TRIM22: variants seen among roughly 807,000 people sequenced by gnomAD.
The protein encoded by TRIM22 is E3 ubiquitin-protein ligase TRIM22.
TRIM22 carries 45 observed loss-of-function variants against 53.6 expected under a neutral mutation model. The observed-to-expected ratio is 0.84, with a 90% CI of 0.66 to 1.08. The LOEUF (loss-of-function observed/expected upper bound fraction) is 1.08, where lower values mean the gene tolerates loss of function less well. Ranked by LOEUF, TRIM22 falls within the 50% of genes least tolerant of loss-of-function variation. TRIM22 has a pLI of 0.00. For synonymous variants in TRIM22, 225 were observed against 216.6 expected (o/e 1.04, Z -0.34); for missense variants, 616 against 590.9 (o/e 1.04, Z -0.44).
In TRIM22 at chr11:5,698,402, C is replaced by A; in HGVS notation, c.607C>A (p.Gln203Lys). 1.2e-6 allele frequency: 2 copies of A among 1,614,184 alleles called. No homozygotes were observed. The highest frequency in any genetic ancestry group is 1.7e-6 in the Non-Finnish European group (2 of 1,180,026). The change falls in exon 4 of 8, where the codon CAA (glutamine) becomes AAA (lysine). Residue 203 changes from glutamine to lysine, a missense_variant. Coordinates refer to ENST00000379965, the MANE Select transcript of TRIM22 (RefSeq NM_006074.5). ...GGACAATGAGGAGCAGAGAGAGCTGCAAAAGCTGGAGGAAGGTGAGGTGAA... is the reference window on the plus strand; with the variant it reads ...GGACAATGAGGAGCAGAGAGAGCTGAAAAAGCTGGAGGAAGGTGAGGTGAA... ...ILDNEEQREL[Q>K]KLEEGEVNVL...
intron 1 of TRIM22, among the ~76,000 whole-genome samples, chr11:5,691,415 G>A (rs889894112): frequency 6.6e-6 from 1 of 152,194 alleles, no homozygotes; most frequent in African/African-American, 2.4e-5. Context: ...TCTATACAAT[G>A]TCTGGAATCT....
rs767068324 is a variant in TRIM22 at position 5,698,404 on chromosome 11, A to G, written c.609A>G (p.Gln203=). The stretch of plus-strand genomic sequence containing the variant: ...ACAATGAGGAGCAGAGAGAGCTGCA[A>G]AAGCTGGAGGAAGGTGAGGTGAATG... ...ILDNEEQREL[Q]KLEEGEVNVL... The change falls in exon 4 of 8, where the codon CAA becomes CAG. Residue 203 remains glutamine (Q), a synonymous_variant. Coordinates refer to ENST00000379965, the MANE Select transcript of TRIM22 (RefSeq NM_006074.5). 3 of 1,614,236 alleles carry G rather than the reference A, an allele frequency of 1.9e-6. No homozygotes were observed. The highest frequency in any genetic ancestry group is 1.3e-5 in the African/African-American group (1 of 75,072).
chr11:5,696,746 T>A lies in TRIM22; in HGVS notation c.423+91T>A, dbSNP rs1853269828. On this transcript the variant is annotated intron_variant, in intron 2 of 7. Coordinates refer to ENST00000379965, the MANE Select transcript of TRIM22 (RefSeq NM_006074.5). ...CTTTTTTTGTCCTGCTTTATTCCCC[T>A]TGTCACCATAGAACGGAGAGCCCTG... The A allele has an allele frequency of 2.2e-6, 3 of 1,368,712 alleles. No homozygotes were observed. In the South Asian group the frequency reaches 4.3e-5, roughly 19 times the overall value. 84.8% of individuals were successfully genotyped at this position (1,368,712 alleles called of 1,614,324 possible). A position where few individuals can be genotyped will look rare whatever the true frequency, so the allele number is the denominator to read the frequency against.
At chr11:5,701,858 T>C (rs1208791467) in intron 4 of TRIM22, among the ~76,000 whole-genome samples, 1 of 152,092 alleles carries the variant, frequency 6.6e-6, no homozygotes, top group Non-Finnish European at 1.5e-5. Context: ...ACCATACAGT[T>C]TGTGCTGCTA....
intron 1 of TRIM22, among the ~76,000 whole-genome samples, chr11:5,692,179 G>A (rs1439209261): frequency 6.6e-6 from 1 of 152,126 alleles, no homozygotes; most frequent in Non-Finnish European, 1.5e-5. Context: ...GTTACTAGAG[G>A]ATAAATGTAA....
In TRIM22 at chr11:5,709,599, A is replaced by G. The variant is rs749000591; in HGVS notation, c.1448A>G (p.Asn483Ser). The change falls in exon 8 of 8, where the codon AAT (asparagine) becomes AGT (serine). Residue 483 changes from asparagine to serine, a missense_variant. Physicochemically the swap from Asn to Ser is conservative, Grantham distance 46. Transcript: ENST00000379965. Reference sequence around the variant, plus strand: ...TCTCGACCTGCTTATCCGTATTTCAATCCTTGGAACTGCCTAGTCCCCATG... The same window carrying G: ...TCTCGACCTGCTTATCCGTATTTCAGTCCTTGGAACTGCCTAGTCCCCATG... ...RFSRPAYPYFNPWNCLVPMTV... is the reference protein window; with the variant it reads ...RFSRPAYPYFSPWNCLVPMTV... 6.8e-6 allele frequency: 11 copies of G among 1,611,806 alleles called. No homozygotes were observed. Among genetic ancestry groups the G allele is most frequent in the Middle Eastern group, 1.6e-4 (1 of 6,084 alleles).
chr11:5,707,328 C>T (rs530133097), intron 5 of TRIM22, among the ~76,000 whole-genome samples: 6 of 152,084 alleles, frequency 3.9e-5, no homozygotes, highest in Admixed American at 3.9e-4. Flanking sequence ...TTTTGGAAAC[C>T]CTTTAGCTCT....
chr11:5,699,510 G>A (rs1307290525), intron 4 of TRIM22, among the ~76,000 whole-genome samples: 34 of 98,772 alleles, frequency 3.4e-4, no homozygotes, highest in South Asian at 6.8e-4. Flanking sequence ...CGGCCTGGGC[G>A]ACAGAGCGAG....
chr11:5,694,630 A>C (rs2134172447), intron 1 of TRIM22, among the ~76,000 whole-genome samples: 1 of 152,358 alleles, frequency 6.6e-6, no homozygotes, highest in East Asian at 1.9e-4. Context: ...AGAATGAGTG[A>C]TCTTTGTAAG....
intron 2 of TRIM22, 67 bp downstream of exon 2, chr11:5,696,722 T>G: frequency 5.3e-6 from 8 of 1,496,968 alleles, no homozygotes; most frequent in Non-Finnish European, 7.2e-6. Context: ...AAATCTCCAC[T>G]TTTTTTGTCC....
chr11:5,709,698 C>A lies in TRIM22; in HGVS notation c.*50C>A. On this transcript the variant is annotated 3_prime_UTR_variant, in exon 8 of 8. Coordinates refer to ENST00000379965, the MANE Select transcript of TRIM22 (RefSeq NM_006074.5). ...CTGCATAGTAGCCCTTGTGCTGAGA[C>A]TCAGATTCTGCACCTGAGTTCATCT... 2 of 1,493,490 alleles carry A rather than the reference C, an allele frequency of 1.3e-6. No homozygotes were observed. Among genetic ancestry groups the A allele is most frequent in the Admixed American group, 1.8e-5 (1 of 55,530 alleles). The allele number at this position is 1,493,490 out of a possible 1,614,324, so 92.5% of individuals were successfully genotyped here. A position where few individuals can be genotyped will look rare whatever the true frequency, so the allele number is the denominator to read the frequency against.
chr11:5,698,061 C>G, intron 3 of TRIM22: 2 of 424,730 alleles, frequency 4.7e-6, no homozygotes, highest in Non-Finnish European at 8.8e-6. Flanking sequence ...GTCTACAATC[C>G]AAGCCTCACC....
At chr11:5,697,026 A>G (rs74731261) in intron 2 of TRIM22, 11,888 of 523,086 alleles carry the variant, frequency 0.023, 213 homozygotes, top group Non-Finnish European at 0.032. Context: ...TAGGAAAAGA[A>G]TCAGGCTACT....
chr11:5,697,517 G>T (rs750030346), intron 3 of TRIM22, 174 bp downstream of exon 3: 10 of 509,124 alleles, frequency 2.0e-5, no homozygotes, highest in Non-Finnish European at 3.1e-5. Flanking sequence ...CTGGAGAGTA[G>T]ACATATCATA....
chr11:5,698,791 G>C (rs533183596), intron 4 of TRIM22, among the ~76,000 whole-genome samples: 1 of 152,086 alleles, frequency 6.6e-6, no homozygotes, highest in East Asian at 1.9e-4. Flanking sequence ...GCTTGGAGAG[G>C]ATTCTTTGTA....
intron 4 of TRIM22, among the ~76,000 whole-genome samples, chr11:5,705,803 T>A (rs1461450730): frequency 6.6e-6 from 1 of 152,090 alleles, no homozygotes; most frequent in Non-Finnish European, 1.5e-5. Context: ...TTCGGGACAG[T>A]GGGGTGTAAA....
chr11:5,696,721 C>CT (rs1853269186), intron 2 of TRIM22, 66 bp downstream of exon 2: 5 of 1,501,614 alleles, frequency 3.3e-6, no homozygotes, highest in Admixed American at 2.0e-5. Flanking sequence ...GAAATCTCCA[C>CT]TTTTTTTGTC....
chr11:5,696,754 A>G (rs1485838506), intron 2 of TRIM22, 99 bp downstream of exon 2: 5 of 1,302,218 alleles, frequency 3.8e-6, no homozygotes, highest in East Asian at 2.4e-5. Context: ...CCTTGTCACC[A>G]TAGAACGGAG....
chr11:5,693,179 G>A (rs55636303), intron 1 of TRIM22, among the ~76,000 whole-genome samples: 60,010 of 143,350 alleles, frequency 0.42, 12,616 homozygotes, highest in Non-Finnish European at 0.47. Flanking sequence ...GAGCCACAGC[G>A]CCTGGCCATC....
Sources: gnomAD v4.1 joint callset for allele counts (sites outside exome capture counted in the v4.1 genomes callset) on GRCh38, gnomAD v4.1.1 for gene constraint, MANE v1.5 for transcripts, NCBI Gene and HGNC (gene_info 2026-07-23, HGNC 2026-07-21) for gene names.